The following ZNF813 variants were observed in gnomAD, a reference collection of about 807,000 sequenced individuals.
The protein encoded by ZNF813 is zinc finger protein 813.
In ZNF813, 3 loss-of-function variants were observed where a neutral mutation model predicts 7.2. The observed-to-expected ratio is 0.42, with a 90% CI of 0.19 to 1.08. ZNF813 has a LOEUF of 1.08. Ranked by LOEUF, ZNF813 falls within the 50% of genes least tolerant of loss-of-function variation. The pLI, the probability that ZNF813 is intolerant of heterozygous loss-of-function variation, is 0.30. For missense variants in ZNF813, 714 were observed against 753.3 expected (o/e 0.95, Z 0.61); for synonymous variants, 227 against 256.3 (o/e 0.89, Z 1.09).
At position 53,491,509 on chromosome 19, in the gene ZNF813, T is replaced by G. The variant is rs765772639; in HGVS notation, c.1277T>G (p.Leu426Arg). The G allele has an allele frequency of 6.2e-7, 1 of 1,613,872 alleles. No homozygotes were observed. Among genetic ancestry groups the G allele is most frequent in the Admixed American group, 1.7e-5 (1 of 59,990 alleles). Residue 426 changes from leucine to arginine, a missense_variant, in exon 4 of 4, where the codon CTT (leucine) becomes CGT (arginine). Physicochemically the swap from Leu to Arg is moderately radical, Grantham distance 102 (BLOSUM62 -2). Coordinates refer to ENST00000396403, the MANE Select transcript of ZNF813 (RefSeq NM_001004301.4). ...AAGGTTTTTAATAAAAAGGCAAACC[T>G]TGCACGTCATCATAGACTTCATAGT... ...CGKVFNKKAN[L>R]ARHHRLHSGE...
Position 53,491,572 on chromosome 19 carries a change from C to A in ZNF813, c.1340C>A (p.Thr447Lys). The stretch of plus-strand genomic sequence containing the variant: ...TACAAGTGTACTGAGTGTGTCAAGA[C>A]GTTCAGTCGAAATTCAGCCCTTGTA... ...KPYKCTECVK[T>K]FSRNSALVIH... is the part of the protein sequence containing the mutation. Residue 447 changes from threonine to lysine, a missense_variant, in exon 4 of 4, where the codon ACG becomes AAG. By Grantham distance (78) the Thr-to-Lys change is moderately conservative. Coordinates refer to ENST00000396403, the MANE Select transcript of ZNF813 (RefSeq NM_001004301.4). 6.2e-7 allele frequency: 1 copy of A among 1,612,128 alleles called. No homozygotes were observed.
chr19:53,472,021 C>T (rs34655430), intron 1 of ZNF813, among the ~76,000 whole-genome samples: 23,353 of 151,854 alleles, frequency 0.15, 1,815 homozygotes, highest in East Asian at 0.29. Flanking sequence ...ATGATGCTCT[C>T]GTAACTTCTA....
Position 53,491,393 on chromosome 19 carries a change from A to G in ZNF813, c.1161A>G (p.Glu387=), listed in dbSNP as rs879249263. 3 of 1,613,198 alleles carry G rather than the reference A, an allele frequency of 1.9e-6. No homozygotes were observed. Among genetic ancestry groups the G allele is most frequent in the Non-Finnish European group, 2.5e-6 (3 of 1,179,378 alleles). The change falls in exon 4 of 4, where the codon GAA becomes GAG. Residue 387 remains glutamate (E), a synonymous_variant. Coordinates refer to ENST00000396403, the MANE Select transcript of ZNF813 (RefSeq NM_001004301.4). ...GAGAGAAACCTTATAAGTGTAATGA[A>G]TGTGGCAAGACCTTCAGTCAGGAGT... ...HTGEKPYKCN[E]CGKTFSQELT...
At chr19:53,479,320 C>A in intron 1 of ZNF813, 2 of 1,586,476 alleles carry the variant, frequency 1.3e-6, no homozygotes, top group East Asian at 2.2e-5. Flanking sequence ...AGGCAGGAAC[C>A]GGAGTGTGAG....
chr19:53,484,358 A>G (rs553808742), intron 2 of ZNF813, among the ~76,000 whole-genome samples: 2 of 152,302 alleles, frequency 1.3e-5, no homozygotes, highest in Admixed American at 1.3e-4. Context: ...TGGAAAGTTC[A>G]TACAGACATG....
Position 53,491,098 on chromosome 19 carries a change from A to G in ZNF813, c.866A>G (p.His289Arg), listed in dbSNP as rs1340124467. 2 of 1,614,064 alleles carry G rather than the reference A, an allele frequency of 1.2e-6. No individual in the cohort carries two copies. Among genetic ancestry groups the G allele is most frequent in the Non-Finnish European group, 1.7e-6 (2 of 1,180,020 alleles). The change falls in exon 4 of 4, where the codon CAT becomes CGT. Residue 289 changes from histidine to arginine, a missense_variant. Physicochemically the swap from His to Arg is conservative, Grantham distance 29 (BLOSUM62 0). Coordinates refer to ENST00000396403, the MANE Select transcript of ZNF813 (RefSeq NM_001004301.4). ...TFSQTYSLTC[H>R]RRLHTGEKPY... ...AGTCAGACGTATTCCCTTACATGCCATCGTAGACTTCATACTGGAGAGAAA... is the reference window on the plus strand; with the variant it reads ...AGTCAGACGTATTCCCTTACATGCCGTCGTAGACTTCATACTGGAGAGAAA...
At position 53,487,022 on chromosome 19, in the gene ZNF813, C is replaced by T. The variant is rs114304565; in HGVS notation, c.142+264C>T. On this transcript the variant is annotated intron_variant, in intron 3 of 3. Coordinates refer to ENST00000396403, the MANE Select transcript of ZNF813 (RefSeq NM_001004301.4). ...TTTTTTTTAGAGAATGTTCTTACTG[C>T]GTTGTTGAAGTTGGTCTTGATCTCC... Among the ~76,000 whole-genome samples, 458 of 143,016 alleles carry T rather than the reference C, an allele frequency of 3.2e-3. 1 individual carries two copies. The highest frequency in any genetic ancestry group is 0.011 in the African/African-American group (418 of 37,934). The allele number at this position is 143,016 out of a possible 152,430, so 93.8% of individuals were successfully genotyped here. A position where few individuals can be genotyped will look rare whatever the true frequency, so the allele number is the denominator to read the frequency against.
intron 1 of ZNF813, among the ~76,000 whole-genome samples, chr19:53,470,222 G>C (rs2086351509): frequency 6.8e-6 from 1 of 147,810 alleles, no homozygotes; most frequent in Non-Finnish European, 1.5e-5. Flanking sequence ...GGTGTCTGGA[G>C]CCCATTCCTT....
At chr19:53,478,504 G>C (rs1469309735) in intron 1 of ZNF813, among the ~76,000 whole-genome samples, 1 of 152,120 alleles carries the variant, frequency 6.6e-6, no homozygotes, top group Non-Finnish European at 1.5e-5. Context: ...ACATCAAAAC[G>C]TGGTGGCTCC....
intron 1 of ZNF813, among the ~76,000 whole-genome samples, chr19:53,477,256 TG>T (rs2086386273): frequency 6.6e-6 from 1 of 152,142 alleles, no homozygotes; most frequent in South Asian, 2.1e-4. Flanking sequence ...CTGTCAAAAG[TG>T]GAGTGTTCTA....
intron 2 of ZNF813, among the ~76,000 whole-genome samples, chr19:53,485,540 G>T (rs546992596): frequency 2.7e-4 from 40 of 150,620 alleles, no homozygotes; most frequent in Middle Eastern, 3.5e-3. Context: ...TCATTATTTT[G>T]TTGACATATA....
At chr19:53,477,769 C>T (rs373355718) in intron 1 of ZNF813, among the ~76,000 whole-genome samples, 71 of 152,158 alleles carry the variant, frequency 4.7e-4, no homozygotes, top group African/African-American at 1.3e-3. Flanking sequence ...TGCAGTGAGC[C>T]GAGATCATGC....
chr19:53,491,318 G>A lies in ZNF813; in HGVS notation c.1086G>A (p.Lys362=), dbSNP rs769708006. The A allele has an allele frequency of 5.6e-6, 9 of 1,614,070 alleles. No homozygotes were observed. In the South Asian group the frequency reaches 9.9e-5, roughly 18 times the overall value. The part of the protein sequence containing the change: ...EKPFKCNECG[K]TFSRKSSLTC... ...CTTTCAAGTGTAATGAGTGTGGCAA[G>A]ACCTTTAGTCGGAAGTCATCCCTTA... The change falls in exon 4 of 4, where the codon AAG becomes AAA. Residue 362 remains lysine (K), a synonymous_variant. Transcript: ENST00000396403.
intron 1 of ZNF813, among the ~76,000 whole-genome samples, chr19:53,471,653 C>CA (rs1185324526): frequency 2.0e-5 from 3 of 151,708 alleles, no homozygotes; most frequent in African/African-American, 7.3e-5. Flanking sequence ...ACTAAAAATA[C>CA]AAAAAGCAAT....
At chr19:53,483,924 A>C (rs1340081559) in intron 2 of ZNF813, 87 bp downstream of exon 2, 5 of 1,609,550 alleles carry the variant, frequency 3.1e-6, no homozygotes, top group Admixed American at 3.3e-5. Context: ...CTGAGTCTGA[A>C]GCATCCTGCC....
chr19:53,494,742 A>C lies in ZNF813; in HGVS notation c.*2656A>C, dbSNP rs190299364. On this transcript the variant is annotated 3_prime_UTR_variant, in exon 4 of 4. Coordinates refer to ENST00000396403, the MANE Select transcript of ZNF813 (RefSeq NM_001004301.4). Reference sequence around the variant, plus strand: ...AAAGGAGCATCAAATTTACAGTGAGACCAGATGCAGTGGCTCAGGCCTGTA... The same window carrying C: ...AAAGGAGCATCAAATTTACAGTGAGCCCAGATGCAGTGGCTCAGGCCTGTA... The C allele has an allele frequency of 1.3e-5, 2 of 152,102 alleles. No individual in the cohort carries two copies. The highest frequency in any genetic ancestry group is 2.9e-5 in the Non-Finnish European group (2 of 68,044). The allele number at this position is 152,102 out of a possible 1,614,324, so 9.4% of individuals were successfully genotyped here. A position where few individuals can be genotyped will look rare whatever the true frequency, so the allele number is the denominator to read the frequency against.
intron 3 of ZNF813, among the ~76,000 whole-genome samples, chr19:53,487,634 C>T (rs2086440347): frequency 6.6e-6 from 1 of 151,980 alleles, no homozygotes; most frequent in South Asian, 2.1e-4. Context: ...TCCATCTCTA[C>T]TAAAAATACA....
rs1169496049 is a variant in ZNF813 at position 53,493,262 on chromosome 19, G to A, written c.*1176G>A. ...TTGTTCTTTAACAAAAACTGATAGG[G>A]ATTTTTATGGGTACCGTGTTGAATC... On this transcript the variant is annotated 3_prime_UTR_variant, in exon 4 of 4. Transcript: ENST00000396403. 3 of 186,338 alleles carry A rather than the reference G, an allele frequency of 1.6e-5. No homozygotes were observed. The East Asian group carries it at 4.5e-4, about 28-fold the overall frequency. The allele number at this position is 186,338 out of a possible 1,614,324, so 11.5% of individuals were successfully genotyped here. A position where few individuals can be genotyped will look rare whatever the true frequency, so the allele number is the denominator to read the frequency against.
At chr19:53,468,948 C>T (rs2708724) in intron 1 of ZNF813, among the ~76,000 whole-genome samples, 30,580 of 151,400 alleles carry the variant, frequency 0.2, 3,143 homozygotes, top group Admixed American at 0.22. Flanking sequence ...TCCTTTCCCA[C>T]GAGGCCATAT....
Sources: gnomAD v4.1 joint callset for allele counts (sites outside exome capture counted in the v4.1 genomes callset) on GRCh38, gnomAD v4.1.1 for gene constraint, MANE v1.5 for transcripts, NCBI Gene and HGNC (gene_info 2026-07-23, HGNC 2026-07-21) for gene names.